The following GPHN variants were observed in gnomAD, a reference collection of about 807,000 sequenced individuals.
GPHN encodes gephyrin.
A neutral mutation model predicts 95.5 loss-of-function variants in GPHN; 17 were observed. The observed-to-expected ratio is 0.18, with a 90% CI of 0.12 to 0.27. The LOEUF (loss-of-function observed/expected upper bound fraction) is 0.27. Among genes scored for constraint, GPHN ranks in the 10% least tolerant of loss-of-function variants. GPHN has a pLI of 1.00. For synonymous variants in GPHN, 320 were observed against 322.5 expected (o/e 0.99, Z 0.08); for missense variants, 660 against 978.1 (o/e 0.67, Z 4.34).
intron 1 of GPHN, among the ~76,000 whole-genome samples, chr14:66,568,828 A>G (rs1013912894): frequency 6.6e-6 from 1 of 152,044 alleles, no homozygotes; most frequent in Non-Finnish European, 1.5e-5. Context: ...TAAATAATAT[A>G]TTGAATTTTT....
At chr14:67,623,570 T>G in the GPHN span, among the ~76,000 whole-genome samples, 1 of 119,426 alleles carries the variant, frequency 8.4e-6, no homozygotes, top group South Asian at 2.8e-4. Flanking sequence ...TGAGACGGAG[T>G]CTCGCTCTGT....
chr14:66,586,170 T>C (rs1364048402), intron 1 of GPHN, among the ~76,000 whole-genome samples: 1 of 151,986 alleles, frequency 6.6e-6, no homozygotes, highest in Non-Finnish European at 1.5e-5. Context: ...TTTTGCTCTT[T>C]GTTGGTTTAA....
At chr14:66,800,648 A>G (rs1021634791) in intron 3 of GPHN, among the ~76,000 whole-genome samples, 1 of 152,034 alleles carries the variant, frequency 6.6e-6, no homozygotes, top group African/African-American at 2.4e-5. Context: ...GAGTTTGAAT[A>G]CTAAATACCA....
At chr14:66,966,703 TA>T (rs1369953863) in intron 9 of GPHN, among the ~76,000 whole-genome samples, 1 of 152,024 alleles carries the variant, frequency 6.6e-6, no homozygotes, top group Non-Finnish European at 1.5e-5. Flanking sequence ...AAGTTCACTA[TA>T]AGATGTTTTG....
the GPHN span, among the ~76,000 whole-genome samples, chr14:67,434,083 G>T: frequency 6.6e-6 from 1 of 152,138 alleles, no homozygotes; most frequent in Non-Finnish European, 1.5e-5. Context: ...AATAGCTAAA[G>T]AACAGATCTA....
chr14:66,529,481 A>G lies in GPHN; in HGVS notation c.64+20890A>G, dbSNP rs556668559. ...CTACTTTTGTCAATTCATTAGACTCATTATCCGTCCAGTTTTGTTCCCTTG... is the reference window on the plus strand; with the variant it reads ...CTACTTTTGTCAATTCATTAGACTCGTTATCCGTCCAGTTTTGTTCCCTTG... On this transcript the variant is annotated intron_variant, in intron 1 of 22. Transcript: ENST00000478722. 3.0e-4 allele frequency among the ~76,000 whole-genome samples: 46 copies of G among 152,182 alleles called. 2 individuals are homozygous for G. In the South Asian group the frequency reaches 8.9e-3, roughly 30 times the overall value.
At chr14:67,289,997 C>T in the GPHN span, among the ~76,000 whole-genome samples, 19 of 152,094 alleles carry the variant, frequency 1.2e-4, no homozygotes, top group Non-Finnish European at 2.9e-5. Flanking sequence ...TGGTCTCGAT[C>T]TCCTGACCTC....
chr14:67,357,712 C>T, the GPHN span, among the ~76,000 whole-genome samples: 1 of 152,124 alleles, frequency 6.6e-6, no homozygotes, highest in Non-Finnish European at 1.5e-5. Context: ...CTCATTTGTG[C>T]AGAGGTGACT....
chr14:66,792,719 C>A (rs1380628981), intron 3 of GPHN, among the ~76,000 whole-genome samples: 1 of 152,146 alleles, frequency 6.6e-6, no homozygotes, highest in Non-Finnish European at 1.5e-5. Flanking sequence ...GAGACCCTAA[C>A]CCAGTGGTGC....
chr14:66,543,805 C>G (rs1295850432), intron 1 of GPHN, among the ~76,000 whole-genome samples: 2 of 152,122 alleles, frequency 1.3e-5, no homozygotes, highest in Non-Finnish European at 2.9e-5. Context: ...CTGCCATTAC[C>G]CTGGTTCAAA....
chr14:67,449,763 G>A, the GPHN span, among the ~76,000 whole-genome samples: 1 of 152,172 alleles, frequency 6.6e-6, no homozygotes, highest in African/African-American at 2.4e-5. Context: ...TGCTGTTCTT[G>A]TGATAGTGAA....
chr14:67,459,779 T>C, the GPHN span, among the ~76,000 whole-genome samples: 1 of 152,188 alleles, frequency 6.6e-6, no homozygotes, highest in Admixed American at 6.5e-5. Context: ...AATTATATCG[T>C]TGAAGTGCCT....
At chr14:66,591,346 G>A (rs1168536470) in intron 1 of GPHN, among the ~76,000 whole-genome samples, 4 of 152,148 alleles carry the variant, frequency 2.6e-5, no homozygotes, top group African/African-American at 4.8e-5. Context: ...TATTCAAATA[G>A]GAATAGAAGA....
chr14:67,404,328 A>G, the GPHN span, among the ~76,000 whole-genome samples: 2 of 152,094 alleles, frequency 1.3e-5, no homozygotes, highest in Admixed American at 1.3e-4. Flanking sequence ...ATTACTTCAT[A>G]TGATACCTAA....
intron 10 of GPHN, among the ~76,000 whole-genome samples, chr14:67,053,551 C>A (rs750519144): frequency 6.6e-6 from 1 of 152,162 alleles, no homozygotes; most frequent in South Asian, 2.1e-4. Flanking sequence ...GGAGCTGGTA[C>A]CATTTCTTCT....
intron 1 of GPHN, among the ~76,000 whole-genome samples, chr14:66,520,701 C>CA (rs2058444152): frequency 6.8e-6 from 1 of 146,840 alleles, no homozygotes; most frequent in Admixed American, 6.8e-5. Flanking sequence ...GAAATATTTT[C>CA]TTTTTTTTTT....
At chr14:66,881,944 C>T (rs2063948867) in intron 5 of GPHN, among the ~76,000 whole-genome samples, 2 of 151,796 alleles carry the variant, frequency 1.3e-5, no homozygotes, top group Non-Finnish European at 3.0e-5. Flanking sequence ...TTGGAACAGA[C>T]ATAGTAGTTT....
At chr14:67,570,036 G>C in the GPHN span, 14 of 1,468,246 alleles carry the variant, frequency 9.5e-6, no homozygotes, top group South Asian at 4.7e-5. Flanking sequence ...GCACAAAGAG[G>C]GGGTGTCTCA....
intron 1 of GPHN, among the ~76,000 whole-genome samples, chr14:66,518,867 T>C (rs894786991): frequency 2.0e-5 from 3 of 152,028 alleles, no homozygotes; most frequent in African/African-American, 7.2e-5. Flanking sequence ...AAATGTGTTA[T>C]AGGATACAAA....
Sources: gnomAD v4.1 joint callset for allele counts (sites outside exome capture counted in the v4.1 genomes callset) on GRCh38, gnomAD v4.1.1 for gene constraint, MANE v1.5 for transcripts, NCBI Gene and HGNC (gene_info 2026-07-23, HGNC 2026-07-21) for gene names.